Variants in WWOX observed in about 807,000 individuals in gnomAD.
The protein encoded by WWOX is WW domain-containing oxidoreductase.
In WWOX, 69 loss-of-function variants were observed where a neutral mutation model predicts 46.2. The observed-to-expected ratio is 1.49, with a 90% confidence interval of 1.23 to 1.82. WWOX has a LOEUF of 1.82. Among genes scored for constraint, WWOX ranks in the 40% most tolerant of loss-of-function variants. The pLI, the probability that WWOX is intolerant of heterozygous loss-of-function variation, is 0.00. For missense variants in WWOX, 919 were observed against 542.6 expected (o/e 1.69, Z -6.89); for synonymous variants, 359 against 202.6 (o/e 1.77, Z -6.56).
intron 8 of WWOX, among the ~76,000 whole-genome samples, chr16:78,756,534 G>T (rs2049652940): frequency 6.6e-6 from 1 of 152,152 alleles, no homozygotes; most frequent in South Asian, 2.1e-4. Context: ...CACGAGAAAA[G>T]TTGGAAGAAG....
At chr16:78,812,658 G>A (rs991560916) in intron 8 of WWOX, among the ~76,000 whole-genome samples, 1 of 151,988 alleles carries the variant, frequency 6.6e-6, no homozygotes, top group Non-Finnish European at 1.5e-5. Context: ...CCCAGGAGGC[G>A]AAGGTTGCAG....
intron 8 of WWOX, among the ~76,000 whole-genome samples, chr16:78,766,125 CCT>C (rs1381121696): frequency 1.3e-5 from 2 of 152,168 alleles, no homozygotes; most frequent in African/African-American, 4.8e-5. Flanking sequence ...CATACCGTCC[CCT>C]GATAGTCGGT....
chr16:79,126,348 A>C (rs1013675077), intron 8 of WWOX, among the ~76,000 whole-genome samples: 1 of 152,158 alleles, frequency 6.6e-6, no homozygotes, highest in African/African-American at 2.4e-5. Flanking sequence ...CTCAAATGTC[A>C]TCTCGAATTG....
At chr16:78,585,066 A>G (rs897497719) in intron 8 of WWOX, among the ~76,000 whole-genome samples, 1 of 152,194 alleles carries the variant, frequency 6.6e-6, no homozygotes, top group Non-Finnish European at 1.5e-5. Context: ...GTTCAAAGGC[A>G]GTTACGGATC....
At chr16:79,023,137 C>T (rs559907763) in intron 8 of WWOX, among the ~76,000 whole-genome samples, 1 of 152,124 alleles carries the variant, frequency 6.6e-6, no homozygotes, top group South Asian at 2.1e-4. Context: ...GAATGTGACC[C>T]GGGGGCTCTG....
chr16:78,382,714 C>T (rs888892098), intron 5 of WWOX, among the ~76,000 whole-genome samples: 2 of 152,050 alleles, frequency 1.3e-5, no homozygotes, highest in African/African-American at 4.8e-5. Context: ...TCATGGTTTG[C>T]TTGGTGGTGA....
chr16:79,208,020 C>G (rs1400292816), intron 8 of WWOX, among the ~76,000 whole-genome samples: 2 of 152,208 alleles, frequency 1.3e-5, no homozygotes, highest in East Asian at 3.8e-4. Flanking sequence ...CAACTGCTTT[C>G]TAAATCCCAC....
intron 8 of WWOX, among the ~76,000 whole-genome samples, chr16:78,998,137 A>G (rs1212070689): frequency 6.6e-6 from 1 of 152,100 alleles, no homozygotes; most frequent in African/African-American, 2.4e-5. Context: ...TCGGCCTCCC[A>G]AAGTGCTGGG....
chr16:78,868,610 G>T (rs2044058314), intron 8 of WWOX, among the ~76,000 whole-genome samples: 1 of 152,154 alleles, frequency 6.6e-6, no homozygotes, highest in Admixed American at 6.5e-5. Flanking sequence ...AACATAGAAA[G>T]ATTTTCACCC....
intron 8 of WWOX, among the ~76,000 whole-genome samples, chr16:78,701,267 G>A (rs1404343937): frequency 1.3e-5 from 2 of 152,198 alleles, no homozygotes; most frequent in East Asian, 3.9e-4. Context: ...TATTAAGACA[G>A]GGTCTTGTTA....
intron 8 of WWOX, among the ~76,000 whole-genome samples, chr16:78,510,571 T>C (rs373144558): frequency 5.2e-4 from 79 of 152,334 alleles, no homozygotes; most frequent in African/African-American, 1.6e-3. Context: ...AACTGCACTT[T>C]CTCATCAACT....
chr16:78,501,181 C>CTGTT (rs67706943), intron 8 of WWOX, among the ~76,000 whole-genome samples: 20 of 109,376 alleles, frequency 1.8e-4, no homozygotes, highest in African/African-American at 6.2e-4. Flanking sequence ...TTCTTTCTCT[C>CTGTT]TCTTTCTTTC....
At chr16:78,701,308 C>G (rs563176011) in intron 8 of WWOX, among the ~76,000 whole-genome samples, 3 of 152,106 alleles carry the variant, frequency 2.0e-5, no homozygotes, top group Non-Finnish European at 4.4e-5. Flanking sequence ...AACTCCTAAG[C>G]TTAAGTGATC....
At chr16:78,692,641 G>C (rs1363439421) in intron 8 of WWOX, among the ~76,000 whole-genome samples, 2 of 152,172 alleles carry the variant, frequency 1.3e-5, no homozygotes, top group African/African-American at 4.8e-5. Context: ...AACAATTGTG[G>C]AAGCAATGAA....
intron 8 of WWOX, among the ~76,000 whole-genome samples, chr16:79,167,649 A>G (rs1025056122): frequency 1.3e-5 from 2 of 152,256 alleles, no homozygotes; most frequent in African/African-American, 4.8e-5. Flanking sequence ...TCCAAGTCAA[A>G]TAAGACAGAG....
At chr16:78,828,292 C>T (rs1365533334) in intron 8 of WWOX, among the ~76,000 whole-genome samples, 1 of 152,232 alleles carries the variant, frequency 6.6e-6, no homozygotes, top group Non-Finnish European at 1.5e-5. Flanking sequence ...TTCGATGGAC[C>T]TGGGTGTTAA....
rs560289226 is a variant in WWOX at position 79,189,028 on chromosome 16, A to G, written c.1057-22580A>G. Among the ~76,000 whole-genome samples, 230 of 152,318 alleles carry G rather than the reference A, an allele frequency of 1.5e-3. 1 individual carries two copies. The highest frequency in any genetic ancestry group is 2.5e-3 in the Non-Finnish European group (172 of 68,026). ...TTGGATTCTGTGTGGAAGAGTTGAC[A>G]GAGATTTGCAGGTGAAAAAGAAAAG... is the stretch of plus-strand genomic sequence containing the variant. On this transcript the variant is annotated intron_variant, in intron 8 of 8. Transcript: ENST00000566780.
chr16:79,069,024 A>G (rs2048498103), intron 8 of WWOX, among the ~76,000 whole-genome samples: 1 of 152,094 alleles, frequency 6.6e-6, no homozygotes, highest in African/African-American at 2.4e-5. Flanking sequence ...AGTTATGTCT[A>G]AGTTTCCGAC....
intron 8 of WWOX, among the ~76,000 whole-genome samples, chr16:78,660,911 G>C (rs1257540771): frequency 3.9e-5 from 6 of 152,122 alleles, no homozygotes; most frequent in African/African-American, 1.2e-4. Flanking sequence ...AGCACATGTA[G>C]CTCAACCTCC....
Sources: gnomAD v4.1 joint callset for allele counts (sites outside exome capture counted in the v4.1 genomes callset) on GRCh38, gnomAD v4.1.1 for gene constraint, MANE v1.5 for transcripts, NCBI Gene and HGNC (gene_info 2026-07-23, HGNC 2026-07-21) for gene names.